Variants in TP53BP1 observed in about 807,000 individuals in gnomAD.
TP53BP1 encodes the protein TP53-binding protein 1.
A neutral mutation model predicts 200.8 loss-of-function variants in TP53BP1; 61 were observed. The ratio of observed to expected loss-of-function variants is 0.30; its 90% CI spans 0.25 to 0.38. TP53BP1 has a LOEUF of 0.38. TP53BP1 is among the 10% of genes least tolerant of loss of function. The pLI is 1.00. For missense variants in TP53BP1, 2,144 were observed against 2,371.9 expected (o/e 0.90, Z 2.00); for synonymous variants, 822 against 844.3 (o/e 0.97, Z 0.46).
chr15:43,477,456 GA>G (rs1156849791), intron 8 of TP53BP1, 136 bp downstream of exon 8: 4 of 749,870 alleles, frequency 5.3e-6, no homozygotes, highest in Non-Finnish European at 8.2e-6. Context: ...CTAATTACTA[GA>G]AACACGTTTT....
chr15:43,475,253 G>A (rs537788863), intron 9 of TP53BP1, among the ~76,000 whole-genome samples: 1 of 152,156 alleles, frequency 6.6e-6, no homozygotes, highest in Non-Finnish European at 1.5e-5. Context: ...TCCACCCTCT[G>A]CTATTAAATG....
upstream of TP53BP1, among the ~76,000 whole-genome samples, chr15:43,494,981 G>C (rs1392800801): frequency 6.6e-6 from 1 of 151,810 alleles, no homozygotes; most frequent in East Asian, 1.9e-4. Context: ...TTGAGCCCAG[G>C]AATTTGAGAC....
chr15:43,507,236 G>C (rs2079242239), intron 1 of TP53BP1, among the ~76,000 whole-genome samples: 1 of 152,070 alleles, frequency 6.6e-6, no homozygotes, highest in African/African-American at 2.4e-5. Context: ...CTGGGTTCAA[G>C]CAATTCTCCT....
chr15:43,492,595 A>G (rs1256880384), intron 1 of TP53BP1, 127 bp from the exon 2 acceptor site: 8 of 674,964 alleles, frequency 1.2e-5, no homozygotes, highest in Non-Finnish European at 1.8e-5. Context: ...TCCTCCAATT[A>G]GAATATTATA....
chr15:43,457,266 T>C (rs760914707), intron 11 of TP53BP1, 48 bp from the exon 12 acceptor site: 4 of 1,432,882 alleles, frequency 2.8e-6, no homozygotes, highest in Non-Finnish European at 3.7e-6. Flanking sequence ...CATGATCATA[T>C]ATCTTTTATA....
chr15:43,475,740 G>A (rs771653422), intron 8 of TP53BP1, 46 bp from the exon 9 acceptor site: 6 of 1,610,088 alleles, frequency 3.7e-6, no homozygotes, highest in Non-Finnish European at 5.1e-6. Flanking sequence ...TGACACTACT[G>A]AGCTGCCAAA....
chr15:43,445,289 G>C (rs2046016035), intron 14 of TP53BP1, among the ~76,000 whole-genome samples: 1 of 152,102 alleles, frequency 6.6e-6, no homozygotes, highest in Non-Finnish European at 1.5e-5. Flanking sequence ...CCTCGCCGAA[G>C]TCAAAGTATA....
At chr15:43,501,790 T>C (rs2079210574) in intron 1 of TP53BP1, among the ~76,000 whole-genome samples, 1 of 152,242 alleles carries the variant, frequency 6.6e-6, no homozygotes, top group Admixed American at 6.5e-5. Flanking sequence ...CTTCATTCTT[T>C]TTCATTGCTC....
intron 10 of TP53BP1, 50 bp downstream of exon 10, chr15:43,474,623 T>C (rs2046811300): frequency 2.3e-6 from 3 of 1,316,928 alleles, no homozygotes; most frequent in Non-Finnish European, 1.1e-6. Flanking sequence ...GCAGAAAAAG[T>C]GTTGCTCCTC....
intron 11 of TP53BP1, among the ~76,000 whole-genome samples, chr15:43,465,655 C>T (rs139885219): frequency 6.6e-6 from 1 of 152,092 alleles, no homozygotes; most frequent in African/African-American, 2.4e-5. Flanking sequence ...GTACCCAATA[C>T]AATGAATGAA....
At chr15:43,435,079 G>A (rs1311671197) in intron 16 of TP53BP1, among the ~76,000 whole-genome samples, 3 of 151,812 alleles carry the variant, frequency 2.0e-5, no homozygotes, top group Admixed American at 6.6e-5. Flanking sequence ...TGGCCAACAC[G>A]GCAAAACCCC....
At chr15:43,480,153 T>C in intron 5 of TP53BP1, 136 bp from the exon 6 acceptor site, 2 of 761,000 alleles carry the variant, frequency 2.6e-6, no homozygotes. Context: ...TTTTCAAAAA[T>C]AAAAAATAAA....
Position 43,456,136 on chromosome 15 carries a change from C to G in TP53BP1, c.2472G>C (p.Gly824=). 2 of 1,614,178 alleles carry G rather than the reference C, an allele frequency of 1.2e-6. No homozygotes were observed. Among genetic ancestry groups the G allele is most frequent in the Non-Finnish European group, 1.7e-6 (2 of 1,180,032 alleles). The change falls in exon 12 of 28, where the codon GGG becomes GGC. Residue 824 remains glycine, a synonymous_variant. Coordinates refer to ENST00000382044, the MANE Select transcript of TP53BP1 (RefSeq NM_001141980.3). The part of the protein sequence containing the change: ...SVEYEGDLKS[G]TAETEPVEQD... ...GCTCTACAGGTTCTGTTTCTGCAGT[C>G]CCTGATTTCAGATCTCCTTCATATT...
At chr15:43,480,087 A>G in intron 5 of TP53BP1, 70 bp from the exon 6 acceptor site, 2 of 1,453,828 alleles carry the variant, frequency 1.4e-6, no homozygotes, top group Non-Finnish European at 1.9e-6. Context: ...TGCTGTCCTC[A>G]GCAAAGGAGG....
rs974796347 is a variant in TP53BP1 at position 43,412,432 on chromosome 15, T to C, written c.5305+687A>G. On this transcript the variant is annotated intron_variant, in intron 24 of 27. Transcript: ENST00000382044. ...ACTGCTGTCAGTCACATTTACAGTG[T>C]ATACATTTATATCTGCTCATTCCCT... is the stretch of plus-strand genomic sequence containing the variant. Among the ~76,000 whole-genome samples the C allele has an allele frequency of 9.9e-5, 15 of 152,210 alleles. 1 individual carries two copies. Among genetic ancestry groups the C allele is most frequent in the Admixed American group, 7.2e-4 (11 of 15,286 alleles).
intron 4 of TP53BP1, among the ~76,000 whole-genome samples, chr15:43,490,541 A>G (rs1419067038): frequency 1.3e-5 from 2 of 152,162 alleles, no homozygotes; most frequent in African/African-American, 4.8e-5. Context: ...ATTTCTTTTT[A>G]AGAAAAAACA....
chr15:43,464,242 T>C (rs2046508475), intron 11 of TP53BP1, among the ~76,000 whole-genome samples: 1 of 152,168 alleles, frequency 6.6e-6, no homozygotes, highest in South Asian at 2.1e-4. Flanking sequence ...AAAGTCCACC[T>C]GGAAGAAATA....
chr15:43,470,790 T>A lies in TP53BP1; in HGVS notation c.1181-724A>T, dbSNP rs140006582. ...TTTGATTCATCATTTGTATCCCCTA[T>A]CTTACAACTTGACCCCAACCAGGCT... On this transcript the variant is annotated intron_variant, in intron 10 of 27. Transcript: ENST00000382044. Among the ~76,000 whole-genome samples the A allele has an allele frequency of 5.6e-4, 85 of 152,294 alleles. 1 individual carries two copies. The highest frequency in any genetic ancestry group is 2.0e-3 in the African/African-American group (82 of 41,560).
chr15:43,430,874 T>A (rs1216230486), intron 17 of TP53BP1, among the ~76,000 whole-genome samples: 1 of 152,110 alleles, frequency 6.6e-6, no homozygotes, highest in Non-Finnish European at 1.5e-5. Flanking sequence ...CAGCATATGA[T>A]TTTTTTTCTT....
Sources: allele counts gnomAD v4.1 joint callset (sites outside exome capture counted in the v4.1 genomes callset), GRCh38; gene constraint gnomAD v4.1.1; transcripts MANE v1.5; gene names NCBI Gene and HGNC (gene_info 2026-07-23, HGNC 2026-07-21).